The following STIM2 variants were observed in gnomAD, a reference collection of about 807,000 sequenced individuals.
STIM2 encodes the protein stromal interaction molecule 2.
STIM2 carries 31 observed loss-of-function variants against 85.8 expected under a neutral mutation model. That is an observed-to-expected ratio of 0.36 (90% CI 0.27 to 0.49). STIM2 has a LOEUF of 0.49. STIM2 is among the 20% of genes least tolerant of loss of function. The pLI is 0.98. For synonymous variants in STIM2, 356 were observed against 331.1 expected, an observed-to-expected ratio of 1.08 and a Z score of -0.82; for missense variants, 841 against 927.6, an observed-to-expected ratio of 0.91 and a Z score of 1.21.
At chr4:27,021,097 A>G in intron 11 of STIM2, 1 of 1,518,458 alleles carries the variant, frequency 6.6e-7, no homozygotes, top group Non-Finnish European at 8.8e-7. Flanking sequence ...CTGTTCTTTA[A>G]TATCTCACTC....
intron 1 of STIM2, among the ~76,000 whole-genome samples, chr4:26,911,770 A>C (rs1724350370): frequency 6.6e-6 from 1 of 152,214 alleles, no homozygotes; most frequent in South Asian, 2.1e-4. Flanking sequence ...ATCATCATGT[A>C]ACAGGTAACA....
At chr4:26,953,972 T>G (rs897704793) in intron 2 of STIM2, among the ~76,000 whole-genome samples, 2 of 152,024 alleles carry the variant, frequency 1.3e-5, no homozygotes, top group African/African-American at 4.8e-5. Flanking sequence ...CTGTCAGTCC[T>G]TTGATCAGAT....
Position 26,941,165 on chromosome 4 carries a change from C to T in STIM2, c.283-16447C>T, listed in dbSNP as rs371846633. On this transcript the variant is annotated intron_variant, in intron 2 of 11. Transcript: ENST00000467087. ...GCTTTTTGTACACATCCTGTATTCT[C>T]ATGAGTATACAGGCATTTCCCTTAG... Among the ~76,000 whole-genome samples the T allele has an allele frequency of 1.2e-3, 180 of 152,264 alleles. 1 individual carries two copies. The highest frequency in any genetic ancestry group is 4.2e-3 in the African/African-American group (173 of 41,554).
intron 1 of STIM2, among the ~76,000 whole-genome samples, chr4:26,899,150 T>TTATGGGCTACA (rs2109050698): frequency 1.3e-5 from 2 of 151,996 alleles, no homozygotes; most frequent in Admixed American, 1.3e-4. Context: ...AGCATTAATG[T>TTATGGGCTACA]TTAATTTTAT....
chr4:26,865,619 A>G (rs905127837), intron 1 of STIM2, among the ~76,000 whole-genome samples: 7 of 152,212 alleles, frequency 4.6e-5, no homozygotes, highest in African/African-American at 1.4e-4. Context: ...TTTATGTAAT[A>G]TGATAGTTAA....
At chr4:26,931,319 G>A (rs1725198534) in intron 2 of STIM2, among the ~76,000 whole-genome samples, 1 of 152,088 alleles carries the variant, frequency 6.6e-6, no homozygotes, top group Non-Finnish European at 1.5e-5. Flanking sequence ...CAACCATCAC[G>A]GGGAGACAAA....
chr4:27,008,927 A>T lies in STIM2; in HGVS notation c.1414A>T (p.Ile472Phe). The T allele has an allele frequency of 2.5e-6, 4 of 1,614,112 alleles. No homozygotes were observed. Among genetic ancestry groups the T allele is most frequent in the Non-Finnish European group, 3.4e-6 (4 of 1,180,018 alleles). ...CTGGGTGGTGATGCCCAGAGTCTCC[A>T]TTCCACCCTATCCAATTGCTGGAGG... Residue 472 changes from isoleucine to phenylalanine, a missense_variant, in exon 10 of 12, where the codon ATT becomes TTT. Around this residue, in one of 3 missense-constraint regions of STIM2, gnomAD observed 408 missense variants for 525.4 expected, o/e 0.78. Coordinates refer to ENST00000467087, the MANE Select transcript of STIM2 (RefSeq NM_020860.4).
chr4:26,932,448 G>A (rs550833287), intron 2 of STIM2, among the ~76,000 whole-genome samples: 3 of 152,046 alleles, frequency 2.0e-5, no homozygotes, highest in East Asian at 1.9e-4. Flanking sequence ...AACATAACTC[G>A]TTAGTACTGA....
chr4:26,895,355 A>C (rs1230174309), intron 1 of STIM2, among the ~76,000 whole-genome samples: 1 of 152,138 alleles, frequency 6.6e-6, no homozygotes, highest in East Asian at 1.9e-4. Context: ...ATTTATTCTT[A>C]GGTACTCTTT....
At chr4:27,021,680 G>A (rs1728917152) in intron 11 of STIM2, 2 of 453,398 alleles carry the variant, frequency 4.4e-6, no homozygotes, top group African/African-American at 4.0e-5. Context: ...AGAAGTAGCT[G>A]GGAGGGAAGA....
intron 2 of STIM2, among the ~76,000 whole-genome samples, chr4:26,947,851 G>A (rs1246007107): frequency 6.6e-6 from 1 of 152,134 alleles, no homozygotes; most frequent in Non-Finnish European, 1.5e-5. Context: ...ACTTGACTCT[G>A]TGTATCAAAA....
intron 2 of STIM2, among the ~76,000 whole-genome samples, chr4:26,947,808 GA>G (rs890513599): frequency 1.1e-4 from 16 of 150,656 alleles, no homozygotes; most frequent in African/African-American, 1.5e-4. Flanking sequence ...TTGCACACAT[GA>G]AAAAAAAATA....
intron 1 of STIM2, among the ~76,000 whole-genome samples, chr4:26,905,387 A>C (rs1475244724): frequency 6.6e-6 from 1 of 152,168 alleles, no homozygotes; most frequent in African/African-American, 2.4e-5. Context: ...TAAGCTGTGA[A>C]AGGAAGCAAG....
At chr4:26,991,345 A>G (rs1727758519) in intron 3 of STIM2, among the ~76,000 whole-genome samples, 1 of 152,098 alleles carries the variant, frequency 6.6e-6, no homozygotes, top group South Asian at 2.1e-4. Flanking sequence ...CAAATATCAC[A>G]CGTTCTTCCT....
In STIM2 at chr4:27,025,322, C is replaced by G. The variant is rs978468202; in HGVS notation, c.*2326C>G. ...AGTTTTTAAAATTATCCATTTGTTA[C>G]TTTAACATTTTAAAATTATGGTGTT... is the stretch of plus-strand genomic sequence containing the variant. On this transcript the variant is annotated 3_prime_UTR_variant, in exon 12 of 12. Coordinates refer to ENST00000467087, the MANE Select transcript of STIM2 (RefSeq NM_020860.4). 5 of 146,980 alleles carry G rather than the reference C, an allele frequency of 3.4e-5. No homozygotes were observed. Among genetic ancestry groups the G allele is most frequent in the African/African-American group, 1.3e-4 (5 of 39,698 alleles). 9.1% of individuals were successfully genotyped at this position (146,980 alleles called of 1,614,324 possible). A position where few individuals can be genotyped will look rare whatever the true frequency, so the allele number is the denominator to read the frequency against.
intron 5 of STIM2, 49 bp from the exon 6 acceptor site, chr4:27,002,168 T>C (rs573325588): frequency 2.1e-5 from 32 of 1,517,520 alleles, no homozygotes; most frequent in Middle Eastern, 4.7e-4. Flanking sequence ...TGTATTGAGG[T>C]CCTGTCATAC....
chr4:26,979,742 T>C (rs1335046998), intron 3 of STIM2, among the ~76,000 whole-genome samples: 4 of 152,178 alleles, frequency 2.6e-5, no homozygotes, highest in African/African-American at 9.7e-5. Context: ...TAAGTAGTTA[T>C]TGGTAATAAT....
chr4:27,007,356 C>T (rs1728399634), intron 7 of STIM2, among the ~76,000 whole-genome samples, 177 bp from the exon 8 acceptor site: 2 of 147,050 alleles, frequency 1.4e-5, no homozygotes, highest in South Asian at 2.2e-4. Context: ...GCTCTGTTGT[C>T]AGCCTTAATT....
intron 3 of STIM2, among the ~76,000 whole-genome samples, chr4:26,984,073 C>T (rs1727496231): frequency 6.6e-6 from 1 of 152,178 alleles, no homozygotes; most frequent in South Asian, 2.1e-4. Flanking sequence ...TTTTATGAAG[C>T]TTAGTCACAC....
Sources: allele counts gnomAD v4.1 joint callset (sites outside exome capture counted in the v4.1 genomes callset), GRCh38; gene constraint gnomAD v4.1.1; regional missense constraint gnomAD v4.1.1; transcripts MANE v1.5; gene names NCBI Gene and HGNC (gene_info 2026-07-23, HGNC 2026-07-21).